Variants in RBFOX1 observed in about 807,000 individuals in gnomAD.
RBFOX1 encodes the protein RNA binding protein fox-1 homolog 1.
In RBFOX1, 8 loss-of-function variants were observed where a neutral mutation model predicts 57.7. The ratio of observed to expected loss-of-function variants is 0.14; its 90% CI spans 0.08 to 0.25. The LOEUF (loss-of-function observed/expected upper bound fraction) is 0.25, where lower values mean the gene tolerates loss of function less well. RBFOX1 is among the 10% of genes least tolerant of loss of function. RBFOX1 has a pLI of 1.00. For synonymous variants in RBFOX1, 326 were observed against 222.4 expected, an observed-to-expected ratio of 1.47 and a Z score of -4.15; for missense variants, 611 against 548.5, an observed-to-expected ratio of 1.11 and a Z score of -1.14.
At chr16:6,375,678 C>A (rs1325145667) in intron 2 of RBFOX1, among the ~76,000 whole-genome samples, 1 of 152,094 alleles carries the variant, frequency 6.6e-6, no homozygotes, top group Non-Finnish European at 1.5e-5. Flanking sequence ...AGATGGGAAC[C>A]CGGAGGCGCA....
At chr16:6,983,110 T>C (rs1480386562) in intron 3 of RBFOX1, among the ~76,000 whole-genome samples, 3 of 151,982 alleles carry the variant, frequency 2.0e-5, no homozygotes, top group Non-Finnish European at 2.9e-5. Context: ...AGTTACAGTT[T>C]TCCAGATACC....
chr16:6,776,739 C>T (rs1209040033), intron 3 of RBFOX1, among the ~76,000 whole-genome samples: 2 of 152,232 alleles, frequency 1.3e-5, no homozygotes, highest in Non-Finnish European at 2.9e-5. Context: ...CTGAGCCACA[C>T]TAGGTGCTAA....
At chr16:7,129,432 TG>T (rs1460132594) in intron 4 of RBFOX1, among the ~76,000 whole-genome samples, 1 of 152,064 alleles carries the variant, frequency 6.6e-6, no homozygotes, top group Non-Finnish European at 1.5e-5. Context: ...GAAGAAGTAA[TG>T]GATAGAGATC....
intron 2 of RBFOX1, among the ~76,000 whole-genome samples, chr16:6,457,515 C>G (rs192301932): frequency 6.7e-6 from 1 of 148,622 alleles, no homozygotes; most frequent in South Asian, 2.1e-4. Context: ...TACTGACTAC[C>G]GTTCCAGGCA....
chr16:7,022,570 A>G (rs2039626797), intron 3 of RBFOX1, among the ~76,000 whole-genome samples: 1 of 152,114 alleles, frequency 6.6e-6, no homozygotes, highest in Non-Finnish European at 1.5e-5. Flanking sequence ...GAAGATCCTA[A>G]TTTTGAAAAC....
intron 3 of RBFOX1, among the ~76,000 whole-genome samples, chr16:6,988,747 G>GTTTGTTT (rs201767835): frequency 3.0e-5 from 3 of 101,386 alleles, no homozygotes; most frequent in East Asian, 5.2e-4. Flanking sequence ...TTTTTTGTTT[G>GTTTGTTT]TTTGTTTTTT....
chr16:6,402,743 T>A (rs570205209), intron 2 of RBFOX1, among the ~76,000 whole-genome samples: 1 of 152,352 alleles, frequency 6.6e-6, no homozygotes, highest in Non-Finnish European at 1.5e-5. Context: ...CATTTGTAGA[T>A]AAATTGATAT....
intron 3 of RBFOX1, among the ~76,000 whole-genome samples, chr16:6,716,256 T>G (rs76449683): frequency 6.0e-4 from 92 of 152,344 alleles, no homozygotes; most frequent in African/African-American, 2.0e-3. Context: ...CCCCTTTGCC[T>G]GGATTACTTA....
intron 4 of RBFOX1, among the ~76,000 whole-genome samples, chr16:7,155,114 A>G (rs2076827975): frequency 6.6e-6 from 1 of 152,192 alleles, no homozygotes; most frequent in African/African-American, 2.4e-5. Flanking sequence ...CTCTTGTTTC[A>G]GAAAGATAAA....
At chr16:6,499,888 G>C (rs17442167) in intron 2 of RBFOX1, among the ~76,000 whole-genome samples, 36,017 of 151,954 alleles carry the variant, frequency 0.24, 4,889 homozygotes, top group Non-Finnish European at 0.31. Context: ...CAAAGGAGTC[G>C]GGTAAAAGGA....
intron 4 of RBFOX1, among the ~76,000 whole-genome samples, chr16:7,326,364 G>T (rs1156942709): frequency 6.6e-6 from 1 of 152,148 alleles, no homozygotes; most frequent in Non-Finnish European, 1.5e-5. Context: ...CCTGGCATAT[G>T]ACTGCTTGTG....
chr16:6,853,647 T>A (rs999010415), intron 3 of RBFOX1, among the ~76,000 whole-genome samples: 11 of 152,288 alleles, frequency 7.2e-5, no homozygotes, highest in Non-Finnish European at 1.5e-4. Flanking sequence ...CCATAGTAAA[T>A]GCTCTCAGCC....
intron 4 of RBFOX1, among the ~76,000 whole-genome samples, chr16:7,203,234 G>T (rs1021339311): frequency 6.6e-6 from 1 of 152,124 alleles, no homozygotes; most frequent in African/African-American, 2.4e-5. Flanking sequence ...AAATTCTGAC[G>T]CATGCTTCAC....
At chr16:7,564,747 C>G (rs2091281237) in intron 5 of RBFOX1, among the ~76,000 whole-genome samples, 1 of 152,066 alleles carries the variant, frequency 6.6e-6, no homozygotes, top group South Asian at 2.1e-4. Context: ...CTAGACAAGG[C>G]TGTCTCCTTT....
chr16:6,983,278 G>A (rs1041380637), intron 3 of RBFOX1, among the ~76,000 whole-genome samples: 1 of 152,068 alleles, frequency 6.6e-6, no homozygotes, highest in Non-Finnish European at 1.5e-5. Context: ...GCATTAGAAT[G>A]ATGTGCAGTT....
At chr16:7,267,651 T>A (rs1204108866) in intron 4 of RBFOX1, among the ~76,000 whole-genome samples, 3 of 151,932 alleles carry the variant, frequency 2.0e-5, no homozygotes, top group African/African-American at 7.3e-5. Flanking sequence ...GGTCAGGAGT[T>A]CGAGACCAGC....
At chr16:5,590,637 G>T (rs996813613) in intron 2 of RBFOX1, among the ~76,000 whole-genome samples, 2 of 152,156 alleles carry the variant, frequency 1.3e-5, no homozygotes, top group Non-Finnish European at 2.9e-5. Flanking sequence ...TCCCAGATCG[G>T]GCACTGAGGA....
chr16:6,065,797 T>C (rs1391953599), intron 1 of RBFOX1, among the ~76,000 whole-genome samples: 1 of 152,170 alleles, frequency 6.6e-6, no homozygotes, highest in African/African-American at 2.4e-5. Context: ...ATCCCCATTT[T>C]ATAGATGAGA....
At chr16:6,899,685 C>G (rs555110924) in intron 3 of RBFOX1, among the ~76,000 whole-genome samples, 5 of 152,360 alleles carry the variant, frequency 3.3e-5, no homozygotes, top group African/African-American at 1.2e-4. Context: ...TTGGAATTAT[C>G]TCTACAGATT....
Sources: allele counts gnomAD v4.1 joint callset (sites outside exome capture counted in the v4.1 genomes callset), GRCh38; gene constraint gnomAD v4.1.1; transcripts MANE v1.5; gene names NCBI Gene and HGNC (gene_info 2026-07-23, HGNC 2026-07-21).